Variants in LGSN observed in about 807,000 individuals in gnomAD.
The protein encoded by LGSN is lengsin.
A neutral mutation model predicts 19.5 loss-of-function variants in LGSN; 21 were observed. The observed-to-expected ratio is 1.07, with a 90% CI of 0.76 to 1.55. LGSN has a LOEUF of 1.55. LGSN is among the 40% of genes most tolerant of loss of function. The pLI, the probability that LGSN is intolerant of heterozygous loss-of-function variation, is 0.00. For synonymous variants in LGSN, 257 were observed against 215.6 expected, an observed-to-expected ratio of 1.19 and a Z score of -1.68; for missense variants, 673 against 608.5, an observed-to-expected ratio of 1.11 and a Z score of -1.12.
At chr6:63,463,147 C>T in the LGSN span, among the ~76,000 whole-genome samples, 1 of 152,296 alleles carries the variant, frequency 6.6e-6, no homozygotes, top group African/African-American at 2.4e-5. Context: ...ATCTTAACCT[C>T]TCTGTATCTC....
At chr6:63,400,714 C>T in the LGSN span, among the ~76,000 whole-genome samples, 1 of 152,190 alleles carries the variant, frequency 6.6e-6, no homozygotes, top group Non-Finnish European at 1.5e-5. Context: ...TAAATTTCGG[C>T]CGGGCGTGGT....
chr6:63,392,979 C>T, the LGSN span, among the ~76,000 whole-genome samples: 867 of 149,110 alleles, frequency 5.8e-3, 5 homozygotes, highest in South Asian at 0.025. Flanking sequence ...CTCCGCCTCC[C>T]GGGTTCACGC....
chr6:63,512,103 G>A, the LGSN span, among the ~76,000 whole-genome samples: 1 of 150,420 alleles, frequency 6.6e-6, no homozygotes, highest in Non-Finnish European at 1.5e-5. Context: ...TTCTTTTTGA[G>A]ACAAAGTCTT....
the LGSN span, among the ~76,000 whole-genome samples, chr6:63,501,679 T>C: frequency 6.6e-6 from 1 of 152,170 alleles, no homozygotes; most frequent in Admixed American, 6.5e-5. Context: ...AACAAAGTAG[T>C]GACATGACCA....
chr6:63,463,084 A>C, the LGSN span, among the ~76,000 whole-genome samples: 3 of 152,202 alleles, frequency 2.0e-5, no homozygotes, highest in African/African-American at 4.8e-5. Context: ...GAAGCTAGAC[A>C]CTTGAGTTTA....
chr6:63,549,580 A>C, the LGSN span: 1 of 602,978 alleles, frequency 1.7e-6, no homozygotes, highest in South Asian at 2.1e-5. Context: ...TTTTTTTTAA[A>C]GAAAACCTTT....
chr6:63,394,413 G>A, the LGSN span, among the ~76,000 whole-genome samples: 2 of 152,190 alleles, frequency 1.3e-5, no homozygotes, highest in African/African-American at 4.8e-5. Context: ...GCATTGGCAT[G>A]CTAAAAGACA....
the LGSN span, among the ~76,000 whole-genome samples, chr6:63,403,513 C>G: frequency 1.3e-5 from 2 of 151,376 alleles, no homozygotes; most frequent in African/African-American, 4.9e-5. Context: ...CCAATGCAAG[C>G]AGAAAAAGAA....
At chr6:63,300,400 C>A (rs1015490751) in intron 1 of LGSN, among the ~76,000 whole-genome samples, 1 of 152,184 alleles carries the variant, frequency 6.6e-6, no homozygotes, top group Non-Finnish European at 1.5e-5. Flanking sequence ...GGAGCAATGG[C>A]TCATTCCTAT....
At chr6:63,481,148 A>G in the LGSN span, among the ~76,000 whole-genome samples, 1 of 152,186 alleles carries the variant, frequency 6.6e-6, no homozygotes, top group East Asian at 1.9e-4. Flanking sequence ...GTTCTCACTT[A>G]TAAGTGGAAG....
At chr6:63,437,730 G>T in the LGSN span, among the ~76,000 whole-genome samples, 1 of 152,082 alleles carries the variant, frequency 6.6e-6, no homozygotes, top group Non-Finnish European at 1.5e-5. Context: ...AGGAGTTCGA[G>T]ACCAGCCTAG....
At chr6:63,406,204 C>G in the LGSN span, among the ~76,000 whole-genome samples, 1 of 152,168 alleles carries the variant, frequency 6.6e-6, no homozygotes, top group African/African-American at 2.4e-5. Flanking sequence ...AACTCTCCAC[C>G]CCAAATCAAC....
At chr6:63,469,719 ATTGTT>A in the LGSN span, among the ~76,000 whole-genome samples, 1 of 152,044 alleles carries the variant, frequency 6.6e-6, no homozygotes, top group South Asian at 2.1e-4. Context: ...AGTTGCATTT[ATTGTT>A]TTGTTTTGTT....
the LGSN span, among the ~76,000 whole-genome samples, chr6:63,355,253 T>A: frequency 2.5e-3 from 384 of 151,890 alleles, 4 homozygotes; most frequent in African/African-American, 8.7e-3. Flanking sequence ...TATGTATCAA[T>A]TTAAAAAAAA....
chr6:63,434,710 T>C, the LGSN span, among the ~76,000 whole-genome samples: 6 of 148,046 alleles, frequency 4.1e-5, no homozygotes, highest in African/African-American at 1.2e-4. Context: ...GAGCAGTAAA[T>C]ACCCAAAACC....
At chr6:63,494,110 C>A in the LGSN span, among the ~76,000 whole-genome samples, 1 of 151,852 alleles carries the variant, frequency 6.6e-6, no homozygotes, top group Admixed American at 6.6e-5. Context: ...CCACCGTGTC[C>A]GGCTAATTTT....
chr6:63,280,076 A>G lies in LGSN; in HGVS notation c.1475T>C (p.Leu492Ser). Residue 492 changes from leucine (L) to serine (S), a missense_variant, in exon 4 of 4, where the codon TTG (leucine) becomes TCG (serine). Leu to Ser is a moderately radical substitution (Grantham distance 145, BLOSUM62 -2). Transcript: ENST00000370657. The stretch of plus-strand genomic sequence containing the variant: ...CTCTGCAGCTATTTCTTCATTCTCC[A>G]ACTCATATTTCTTCATGGCAACAAA... Reference protein sequence around the residue: ...RYFVAMKKYELENEEIAAERN... With the variant: ...RYFVAMKKYESENEEIAAERN... 6.2e-7 allele frequency: 1 copy of G among 1,613,348 alleles called. No individual in the cohort carries two copies. The highest frequency in any genetic ancestry group is 8.5e-7 in the Non-Finnish European group (1 of 1,179,582).
chr6:63,342,337 C>T, the LGSN span, among the ~76,000 whole-genome samples: 2 of 152,018 alleles, frequency 1.3e-5, no homozygotes, highest in South Asian at 4.1e-4. Flanking sequence ...TCAGTTCAAA[C>T]GATTTAAGCA....
intron 2 of LGSN, chr6:63,293,749 G>C (rs1222470217): frequency 2.2e-6 from 1 of 456,512 alleles, no homozygotes; most frequent in African/African-American, 2.0e-5. Flanking sequence ...GTCTCATCCT[G>C]AGAGTCCTTG....
Sources: allele counts gnomAD v4.1 joint callset (sites outside exome capture counted in the v4.1 genomes callset), GRCh38; gene constraint gnomAD v4.1.1; transcripts MANE v1.5; gene names NCBI Gene and HGNC (gene_info 2026-07-23, HGNC 2026-07-21).